The following ST6GALNAC3 variants were observed in gnomAD, a reference collection of about 807,000 sequenced individuals.
ST6GALNAC3 encodes the protein alpha-N-acetylgalactosaminide alpha-2,6-sialyltransferase 3.
A neutral mutation model predicts 32.7 loss-of-function variants in ST6GALNAC3; 25 were observed. The observed-to-expected ratio is 0.76, with a 90% CI of 0.56 to 1.07. The LOEUF is 1.07. ST6GALNAC3 is among the 50% of genes least tolerant of loss of function. The pLI, the probability that ST6GALNAC3 is intolerant of heterozygous loss-of-function variation, is 0.00. For synonymous variants in ST6GALNAC3, 129 were observed against 133.1 expected, an observed-to-expected ratio of 0.97 and a Z score of 0.21; for missense variants, 355 against 382.4, an observed-to-expected ratio of 0.93 and a Z score of 0.60.
At chr1:76,243,478 T>C (rs950341026) in intron 1 of ST6GALNAC3, among the ~76,000 whole-genome samples, 1 of 152,234 alleles carries the variant, frequency 6.6e-6, no homozygotes, top group African/African-American at 2.4e-5. Context: ...TTGTCAACTT[T>C]GGCTTTTGTT....
chr1:76,583,202 G>T (rs1024974429), intron 3 of ST6GALNAC3, among the ~76,000 whole-genome samples: 1 of 152,142 alleles, frequency 6.6e-6, no homozygotes, highest in African/African-American at 2.4e-5. Flanking sequence ...ATACTCAGTT[G>T]AAAGTCTTCA....
At chr1:76,588,966 A>C (rs1385004662) in intron 3 of ST6GALNAC3, among the ~76,000 whole-genome samples, 2 of 152,174 alleles carry the variant, frequency 1.3e-5, no homozygotes, top group Non-Finnish European at 2.9e-5. Context: ...CTATGTAACC[A>C]ATTCCAAGTA....
chr1:76,123,831 C>T (rs566001212), intron 1 of ST6GALNAC3, among the ~76,000 whole-genome samples: 2 of 138,814 alleles, frequency 1.4e-5, no homozygotes, highest in East Asian at 4.2e-4. Context: ...CTCACTGCAA[C>T]CTCCACCTCC....
intron 1 of ST6GALNAC3, among the ~76,000 whole-genome samples, chr1:76,248,799 C>G (rs1657451647): frequency 6.6e-6 from 1 of 151,908 alleles, no homozygotes; most frequent in African/African-American, 2.4e-5. Flanking sequence ...CTTCTTCCCT[C>G]TTTCTTTTCC....
intron 1 of ST6GALNAC3, among the ~76,000 whole-genome samples, chr1:76,161,692 A>G (rs1651823286): frequency 6.6e-6 from 1 of 152,196 alleles, no homozygotes; most frequent in Non-Finnish European, 1.5e-5. Context: ...ATTTCTTTTT[A>G]CTGAGGGCTG....
intron 3 of ST6GALNAC3, among the ~76,000 whole-genome samples, chr1:76,432,245 GTTTA>G (rs1224773355): frequency 6.6e-6 from 1 of 152,024 alleles, no homozygotes; most frequent in Non-Finnish European, 1.5e-5. Flanking sequence ...TTGTACCACA[GTTTA>G]TTTATCCATT....
chr1:76,280,961 A>T lies in ST6GALNAC3; in HGVS notation c.19-32844A>T, dbSNP rs544180185. Among the ~76,000 whole-genome samples the T allele has an allele frequency of 9.8e-5, 15 of 152,362 alleles. No individual in the cohort carries two copies. The South Asian group carries it at 3.1e-3, about 32-fold the overall frequency. On this transcript the variant is annotated intron_variant, in intron 1 of 4. Coordinates refer to ENST00000328299, the MANE Select transcript of ST6GALNAC3 (RefSeq NM_152996.4). ...TATTTATCTGTCAAACATTTATATT[A>T]TGCTCACTTTATGCCATGCACTGTT...
intron 3 of ST6GALNAC3, among the ~76,000 whole-genome samples, chr1:76,474,682 T>C (rs909970083): frequency 1.3e-5 from 2 of 152,144 alleles, no homozygotes; most frequent in Admixed American, 6.6e-5. Context: ...TCTACTTCCC[T>C]GTTGTTCCAG....
At chr1:76,475,794 G>A (rs185085718) in intron 3 of ST6GALNAC3, among the ~76,000 whole-genome samples, 155 of 152,236 alleles carry the variant, frequency 1.0e-3, no homozygotes, top group Non-Finnish European at 1.6e-3. Context: ...GTGGTTTGCT[G>A]CACCCATCAA....
chr1:76,388,574 G>A (rs1233207338), intron 2 of ST6GALNAC3, among the ~76,000 whole-genome samples: 1 of 152,134 alleles, frequency 6.6e-6, no homozygotes, highest in Non-Finnish European at 1.5e-5. Context: ...AAAGGACTAA[G>A]CTCTTTATTT....
intron 1 of ST6GALNAC3, among the ~76,000 whole-genome samples, chr1:76,208,050 C>CA (rs34277706): frequency 2.9e-4 from 32 of 111,080 alleles, no homozygotes; most frequent in Middle Eastern, 5.0e-3. Flanking sequence ...TGCCCCCCCC[C>CA]CCAAAAAATA....
intron 2 of ST6GALNAC3, among the ~76,000 whole-genome samples, chr1:76,357,402 C>T (rs1649568356): frequency 6.6e-6 from 1 of 152,144 alleles, no homozygotes; most frequent in Admixed American, 6.5e-5. Flanking sequence ...TCCAAAAGAC[C>T]ATGCTGGTTT....
intron 3 of ST6GALNAC3, among the ~76,000 whole-genome samples, chr1:76,420,586 ACT>A (rs1654963047): frequency 6.6e-6 from 1 of 151,910 alleles, no homozygotes; most frequent in Admixed American, 6.6e-5. Context: ...TATTATTTTC[ACT>A]CTCTGTCTTT....
rs1051668627 is a variant in ST6GALNAC3 at position 76,631,314 on chromosome 1, A to C, written c.*2508A>C. 1.3e-5 allele frequency: 2 copies of C among 151,876 alleles called. No homozygotes were observed. Among genetic ancestry groups the C allele is most frequent in the African/African-American group, 4.8e-5 (2 of 41,392 alleles). The allele number at this position is 151,876 out of a possible 1,614,324, so 9.4% of individuals were successfully genotyped here. On this transcript the variant is annotated 3_prime_UTR_variant, in exon 5 of 5. Coordinates refer to ENST00000328299, the MANE Select transcript of ST6GALNAC3 (RefSeq NM_152996.4). ...TACAAACAGGAAACAAAAAAAAAAA[A>C]AAACAAGTTTTTCTCAATTTGGAGA...
chr1:76,117,168 T>C (rs1304844225), intron 1 of ST6GALNAC3, among the ~76,000 whole-genome samples: 1 of 152,220 alleles, frequency 6.6e-6, no homozygotes, highest in Non-Finnish European at 1.5e-5. Context: ...CAGGTATTTG[T>C]AGATATTTAT....
intron 3 of ST6GALNAC3, among the ~76,000 whole-genome samples, chr1:76,471,112 G>C (rs924600108): frequency 1.3e-5 from 2 of 151,928 alleles, no homozygotes; most frequent in Admixed American, 1.3e-4. Flanking sequence ...TTAACTCCTT[G>C]GTTAACTTTC....
intron 1 of ST6GALNAC3, chr1:76,306,047 G>A (rs200293079): frequency 1.9e-5 from 7 of 374,156 alleles, no homozygotes; most frequent in Non-Finnish European, 3.8e-5. Context: ...AATGCAGTTT[G>A]TCAGTAACCA....
intron 3 of ST6GALNAC3, among the ~76,000 whole-genome samples, chr1:76,585,355 C>T (rs941907643): frequency 5.3e-5 from 8 of 151,054 alleles, no homozygotes; most frequent in African/African-American, 1.9e-4. Flanking sequence ...CACTGCACTC[C>T]AGTCTGGGTG....
At chr1:76,135,652 T>C (rs1015172750) in intron 1 of ST6GALNAC3, among the ~76,000 whole-genome samples, 6 of 152,316 alleles carry the variant, frequency 3.9e-5, no homozygotes, top group East Asian at 1.9e-4. Context: ...TATCATGCCA[T>C]GTTGTGACGC....
Sources: gnomAD v4.1 joint callset for allele counts (sites outside exome capture counted in the v4.1 genomes callset) on GRCh38, gnomAD v4.1.1 for gene constraint, MANE v1.5 for transcripts, NCBI Gene and HGNC (gene_info 2026-07-23, HGNC 2026-07-21) for gene names.